The following TNR variants were observed in gnomAD, a reference collection of about 807,000 sequenced individuals.
TNR encodes tenascin R.
A neutral mutation model predicts 150.4 loss-of-function variants in TNR; 45 were observed. The observed-to-expected ratio is 0.30, with a 90% confidence interval of 0.24 to 0.38. The LOEUF is 0.38. TNR is among the 10% of genes least tolerant of loss of function. TNR has a pLI of 1.00. For missense variants in TNR, 1,544 were observed against 1,759.1 expected, an observed-to-expected ratio of 0.88 and a Z score of 2.19; for synonymous variants, 687 against 678.4, an observed-to-expected ratio of 1.01 and a Z score of -0.20.
intron 1 of TNR, among the ~76,000 whole-genome samples, chr1:175,693,814 C>A (rs1558076386): frequency 6.6e-6 from 1 of 152,220 alleles, no homozygotes; most frequent in Admixed American, 6.5e-5. Flanking sequence ...ATGTGTCCAG[C>A]ACGAGGGATG....
intron 1 of TNR, among the ~76,000 whole-genome samples, chr1:175,561,803 C>T (rs1263695935): frequency 6.6e-6 from 1 of 152,160 alleles, no homozygotes; most frequent in Non-Finnish European, 1.5e-5. Context: ...TCTATAATGG[C>T]TTGGTATGTA....
chr1:175,678,090 G>A (rs542269452), intron 1 of TNR, among the ~76,000 whole-genome samples: 47 of 152,122 alleles, frequency 3.1e-4, no homozygotes, highest in Non-Finnish European at 5.1e-4. Flanking sequence ...CCTGTGATTG[G>A]GTTATATCAT....
At chr1:175,659,058 C>T (rs2101895418) in intron 1 of TNR, among the ~76,000 whole-genome samples, 1 of 152,340 alleles carries the variant, frequency 6.6e-6, no homozygotes, top group South Asian at 2.1e-4. Flanking sequence ...CCACTACTCG[C>T]CCCTGACTCT....
At chr1:175,708,202 C>G (rs546836356) in intron 1 of TNR, among the ~76,000 whole-genome samples, 59 of 152,334 alleles carry the variant, frequency 3.9e-4, no homozygotes, top group African/African-American at 1.4e-3. Flanking sequence ...CAGGCCTCTG[C>G]CCTGGGCTCA....
chr1:175,584,184 T>C (rs1662476498), intron 1 of TNR, among the ~76,000 whole-genome samples: 1 of 152,110 alleles, frequency 6.6e-6, no homozygotes, highest in Non-Finnish European at 1.5e-5. Flanking sequence ...TAAAATGAGG[T>C]AATTGGGGTA....
intron 1 of TNR, among the ~76,000 whole-genome samples, chr1:175,585,473 C>T (rs547120321): frequency 1.3e-5 from 2 of 152,202 alleles, no homozygotes; most frequent in South Asian, 4.2e-4. Context: ...TACTATTATT[C>T]CCATTTTATG....
chr1:175,574,366 T>C (rs1662017170), intron 1 of TNR, among the ~76,000 whole-genome samples: 1 of 151,616 alleles, frequency 6.6e-6, no homozygotes, highest in Non-Finnish European at 1.5e-5. Context: ...ATAATCAAAG[T>C]ACAGAAAAAA....
rs1564872 is a variant in TNR at position 175,430,144 on chromosome 1, C to T, written c.-63-23367G>A. The stretch of plus-strand genomic sequence containing the variant: ...TGGTGAAAAATGTGGCAGTACTTCA[C>T]CACAACTGTTTCTGAAACCCCAAGC... On this transcript the variant is annotated intron_variant, in intron 2 of 22. Transcript: ENST00000367674. Among the ~76,000 whole-genome samples, 402 of 151,818 alleles carry T rather than the reference C, an allele frequency of 2.6e-3. 2 individuals are homozygous for T. The highest frequency in any genetic ancestry group is 9.1e-3 in the African/African-American group (377 of 41,414).
intron 1 of TNR, among the ~76,000 whole-genome samples, chr1:175,687,938 G>A (rs1021354986): frequency 6.6e-6 from 1 of 152,070 alleles, no homozygotes; most frequent in African/African-American, 2.4e-5. Context: ...AAACACCCAG[G>A]GATTTGGGGA....
chr1:175,693,216 C>T (rs1666421821), intron 1 of TNR, among the ~76,000 whole-genome samples: 1 of 152,208 alleles, frequency 6.6e-6, no homozygotes, highest in South Asian at 2.1e-4. Flanking sequence ...GTTACCTCTC[C>T]AGGAGTCTCT....
At chr1:175,375,188 T>C (rs1026073567) in intron 9 of TNR, among the ~76,000 whole-genome samples, 2 of 151,828 alleles carry the variant, frequency 1.3e-5, no homozygotes, top group African/African-American at 4.8e-5. Flanking sequence ...TTTTTTTTTT[T>C]TGTTGCTGCC....
intron 1 of TNR, among the ~76,000 whole-genome samples, chr1:175,564,013 C>A (rs1233477216): frequency 6.6e-6 from 1 of 152,216 alleles, no homozygotes; most frequent in Admixed American, 6.5e-5. Flanking sequence ...ATTCTTTAGA[C>A]CAGAGTCACA....
intron 2 of TNR, among the ~76,000 whole-genome samples, chr1:175,466,531 G>A (rs1657042581): frequency 6.6e-6 from 1 of 152,206 alleles, no homozygotes; most frequent in South Asian, 2.1e-4. Context: ...TGAAGTCCTG[G>A]CCCTGGATCT....
chr1:175,615,224 T>C (rs1663732128), intron 1 of TNR, among the ~76,000 whole-genome samples: 1 of 152,212 alleles, frequency 6.6e-6, no homozygotes, highest in African/African-American at 2.4e-5. Flanking sequence ...TATTTTTAAC[T>C]GGTGTGTGTC....
rs1327336155 is a variant in TNR at position 175,316,010 on chromosome 1, T to C, written c.*7347A>G. 1 of 152,240 alleles carries C rather than the reference T, an allele frequency of 6.6e-6. No homozygotes were observed. Among genetic ancestry groups the C allele is most frequent in the East Asian group, 1.9e-4 (1 of 5,200 alleles). The allele number at this position is 152,240 out of a possible 1,614,324, so 9.4% of individuals were successfully genotyped here. A position where few individuals can be genotyped will look rare whatever the true frequency, so the allele number is the denominator to read the frequency against. On this transcript the variant is annotated 3_prime_UTR_variant, in exon 23 of 23. Coordinates refer to ENST00000367674, the MANE Select transcript of TNR (RefSeq NM_003285.3). Reference sequence around the variant, plus strand: ...GAATTGAAGTGTCTATTGCATCTAATGCACAGGTGTCACTGCTGCCCAAGC... The same window carrying C: ...GAATTGAAGTGTCTATTGCATCTAACGCACAGGTGTCACTGCTGCCCAAGC...
chr1:175,399,709 C>T (rs1258223931), intron 4 of TNR, among the ~76,000 whole-genome samples: 1 of 152,086 alleles, frequency 6.6e-6, no homozygotes, highest in Non-Finnish European at 1.5e-5. Context: ...GTATTCTTAG[C>T]CTTACTTTCT....
At chr1:175,709,984 T>G (rs1457973183) in intron 1 of TNR, among the ~76,000 whole-genome samples, 1 of 151,984 alleles carries the variant, frequency 6.6e-6, no homozygotes, top group Non-Finnish European at 1.5e-5. Context: ...CGAAGCCACG[T>G]TAGGGATTTG....
intron 2 of TNR, among the ~76,000 whole-genome samples, chr1:175,431,238 T>C (rs1324044918): frequency 6.6e-6 from 1 of 152,236 alleles, no homozygotes; most frequent in East Asian, 1.9e-4. Context: ...CCTGAATCCT[T>C]TCCTTGGAAG....
At chr1:175,504,863 G>C (rs1253865781) in intron 2 of TNR, among the ~76,000 whole-genome samples, 1 of 152,170 alleles carries the variant, frequency 6.6e-6, no homozygotes, top group Admixed American at 6.5e-5. Context: ...GCCCTACTCT[G>C]GTATGACTGG....
Sources: gnomAD v4.1 joint callset for allele counts (sites outside exome capture counted in the v4.1 genomes callset) on GRCh38, gnomAD v4.1.1 for gene constraint, MANE v1.5 for transcripts, NCBI Gene and HGNC (gene_info 2026-07-23, HGNC 2026-07-21) for gene names.